The following MCTP1 variants were observed in gnomAD, a reference collection of about 807,000 sequenced individuals.
MCTP1 encodes the protein multiple C2 and transmembrane domain-containing protein 1.
In MCTP1, 69 loss-of-function variants were observed where a neutral mutation model predicts 120.6. The ratio of observed to expected loss-of-function variants is 0.57; its 90% CI spans 0.47 to 0.70. MCTP1 has a LOEUF of 0.70. MCTP1 is among the 30% of genes least tolerant of loss of function. MCTP1 has a pLI of 0.00. For missense variants in MCTP1, 1,203 were observed against 1,248.8 expected, an observed-to-expected ratio of 0.96 and a Z score of 0.55; for synonymous variants, 529 against 493.1, an observed-to-expected ratio of 1.07 and a Z score of -0.96.
chr5:94,802,401 A>G (rs562502479), intron 17 of MCTP1, among the ~76,000 whole-genome samples: 23 of 152,352 alleles, frequency 1.5e-4, no homozygotes, highest in Admixed American at 8.5e-4. Flanking sequence ...ATATAATATT[A>G]GTGATAATTC....
chr5:95,280,946 T>C (rs1760268288), intron 1 of MCTP1, among the ~76,000 whole-genome samples: 1 of 152,184 alleles, frequency 6.6e-6, no homozygotes. Context: ...TGGGGCCTCG[T>C]GCTGGGCTAG....
chr5:94,988,991 C>T (rs557768468), intron 2 of MCTP1, among the ~76,000 whole-genome samples: 1 of 152,276 alleles, frequency 6.6e-6, no homozygotes, highest in East Asian at 1.9e-4. Flanking sequence ...CACCTGCTCC[C>T]TCCCATGACA....
intron 1 of MCTP1, among the ~76,000 whole-genome samples, chr5:95,081,207 T>A (rs1022851825): frequency 2.0e-4 from 31 of 152,144 alleles, no homozygotes; most frequent in Admixed American, 1.4e-3. Flanking sequence ...GGCACTATAT[T>A]TTTCATAAAA....
At chr5:95,150,531 C>T (rs570210132) in intron 1 of MCTP1, among the ~76,000 whole-genome samples, 23 of 152,224 alleles carry the variant, frequency 1.5e-4, no homozygotes, top group Admixed American at 1.3e-3. Context: ...TATCTAGTTA[C>T]TTTTGGATGA....
chr5:94,942,001 C>T (rs1227409935), intron 4 of MCTP1, among the ~76,000 whole-genome samples: 9 of 151,994 alleles, frequency 5.9e-5, no homozygotes, highest in Admixed American at 5.3e-4. Context: ...ATAATTATGA[C>T]TAACGTGCAT....
At chr5:95,113,183 C>G (rs1757577230) in intron 1 of MCTP1, among the ~76,000 whole-genome samples, 1 of 151,864 alleles carries the variant, frequency 6.6e-6, no homozygotes, top group South Asian at 2.1e-4. Flanking sequence ...TTAAAGCAGC[C>G]TCTATAACTA....
In MCTP1 at chr5:95,005,294, G is replaced by A. The variant is rs138090598; in HGVS notation, c.838+12073C>T. Among the ~76,000 whole-genome samples, 526 of 152,292 alleles carry A rather than the reference G, an allele frequency of 3.5e-3. 2 individuals are homozygous for A. Among genetic ancestry groups the A allele is most frequent in the African/African-American group, 0.012 (512 of 41,556 alleles). On this transcript the variant is annotated intron_variant, in intron 2 of 22. Transcript: ENST00000515393. ...TTATTTTACAGGCTCATAGGCAGAA[G>A]GGACTTGCCTTGTTTCAGATGAGAC...
chr5:94,910,144 G>T (rs1352024570), intron 9 of MCTP1, among the ~76,000 whole-genome samples: 1 of 121,270 alleles, frequency 8.2e-6, no homozygotes, highest in Non-Finnish European at 1.9e-5. Flanking sequence ...ATATATGTAT[G>T]AGTATATACA....
intron 17 of MCTP1, among the ~76,000 whole-genome samples, chr5:94,829,636 G>A (rs1788085717): frequency 6.6e-6 from 1 of 151,948 alleles, no homozygotes; most frequent in Non-Finnish European, 1.5e-5. Flanking sequence ...AAGGAGACAT[G>A]GGGGAAAGGA....
intron 2 of MCTP1, among the ~76,000 whole-genome samples, chr5:94,969,169 G>A (rs1826240071): frequency 6.6e-6 from 1 of 152,150 alleles, no homozygotes; most frequent in Admixed American, 6.5e-5. Context: ...TAGCAAAGGA[G>A]TACATGTTCT....
intron 1 of MCTP1, among the ~76,000 whole-genome samples, chr5:95,120,570 T>C (rs1035627855): frequency 5.9e-5 from 9 of 152,058 alleles, no homozygotes; most frequent in Admixed American, 1.3e-4. Flanking sequence ...ACCAACAGAA[T>C]GAAGAACAAA....
chr5:95,172,217 C>T (rs1327197008), intron 1 of MCTP1, among the ~76,000 whole-genome samples: 1 of 152,230 alleles, frequency 6.6e-6, no homozygotes, highest in Non-Finnish European at 1.5e-5. Flanking sequence ...GGCTGCAGAA[C>T]AGCGCATATT....
intron 15 of MCTP1, 35 bp from the exon 16 acceptor site, chr5:94,870,526 T>C: frequency 7.2e-7 from 1 of 1,389,624 alleles, no homozygotes; most frequent in Non-Finnish European, 1.0e-6. Flanking sequence ...TATGGATTAA[T>C]ATATTACAAA....
intron 1 of MCTP1, among the ~76,000 whole-genome samples, chr5:95,225,912 T>C (rs909206291): frequency 6.6e-6 from 1 of 152,210 alleles, no homozygotes; most frequent in Non-Finnish European, 1.5e-5. Context: ...AATCATTAGA[T>C]AATTTGCTCT....
chr5:95,036,949 G>T (rs1451890645), intron 1 of MCTP1, among the ~76,000 whole-genome samples: 2 of 120,576 alleles, frequency 1.7e-5, no homozygotes, highest in African/African-American at 2.8e-5. Context: ...TCCCATATTG[G>T]ATACCCAGCA....
In MCTP1 at chr5:94,791,058, G is replaced by C. The variant is rs944991415; in HGVS notation, c.2556+7955C>G. Among the ~76,000 whole-genome samples, 4 of 149,860 alleles carry C rather than the reference G, an allele frequency of 2.7e-5. No homozygotes were observed. The East Asian group carries it at 5.9e-4, about 22-fold the overall frequency. ...GAGGCCGAGGCAGGCAGATCACTTG[G>C]GGTCAGGAGTTCCAGACCAGCCTAG... On this transcript the variant is annotated intron_variant, in intron 18 of 22. Transcript: ENST00000515393.
rs1207021112 is a variant in MCTP1 at position 94,922,550 on chromosome 5, G to A, written c.1272+1412C>T. Among the ~76,000 whole-genome samples, 6 of 151,608 alleles carry A rather than the reference G, an allele frequency of 4.0e-5. No homozygotes were observed. In the South Asian group the frequency reaches 8.3e-4, roughly 21 times the overall value. ...TTTGCCCAGGCTGGTGTGCAATGGC[G>A]CAATCGCAGCCCACTACAACCTCCT... On this transcript the variant is annotated intron_variant, in intron 7 of 22. Coordinates refer to ENST00000515393, the MANE Select transcript of MCTP1 (RefSeq NM_024717.7).
intron 1 of MCTP1, among the ~76,000 whole-genome samples, chr5:95,239,688 C>T (rs1755947761): frequency 6.6e-6 from 1 of 152,098 alleles, no homozygotes; most frequent in Non-Finnish European, 1.5e-5. Context: ...CTCCTGGGTA[C>T]ATGTTTACTA....
chr5:95,144,942 G>A (rs933407587), intron 1 of MCTP1, among the ~76,000 whole-genome samples: 6 of 152,032 alleles, frequency 3.9e-5, no homozygotes, highest in African/African-American at 9.7e-5. Flanking sequence ...AAAAAATGAC[G>A]TTGATATTTT....
Sources: allele counts gnomAD v4.1 joint callset (sites outside exome capture counted in the v4.1 genomes callset), GRCh38; gene constraint gnomAD v4.1.1; transcripts MANE v1.5; gene names NCBI Gene and HGNC (gene_info 2026-07-23, HGNC 2026-07-21).